TBC1D22A: variants seen among roughly 807,000 people sequenced by gnomAD.
The protein encoded by TBC1D22A is putative GTPase activator.
In TBC1D22A, 38 loss-of-function variants were observed where a neutral mutation model predicts 60.2. The ratio of observed to expected loss-of-function variants is 0.63; its 90% confidence interval spans 0.49 to 0.83. The LOEUF (loss-of-function observed/expected upper bound fraction) is 0.83, where lower values mean the gene tolerates loss of function less well. TBC1D22A is among the 40% of genes least tolerant of loss of function. TBC1D22A has a pLI of 0.00. For missense variants in TBC1D22A, 628 were observed against 701.0 expected (o/e 0.90, Z 1.18); for synonymous variants, 302 against 281.7 (o/e 1.07, Z -0.72).
chr22:46,938,481 G>A (rs1481154946), intron 8 of TBC1D22A, among the ~76,000 whole-genome samples: 1 of 150,570 alleles, frequency 6.6e-6, no homozygotes, highest in African/African-American at 2.5e-5. Context: ...GCAGTGCATG[G>A]CTGCATGATC....
chr22:46,909,591 ACT>A (rs2069752770), intron 7 of TBC1D22A, among the ~76,000 whole-genome samples: 1 of 150,872 alleles, frequency 6.6e-6, no homozygotes. Flanking sequence ...TTTCTTCCTA[ACT>A]CTGTGTGGCC....
At chr22:46,890,254 C>G (rs1409720372) in intron 5 of TBC1D22A, among the ~76,000 whole-genome samples, 1 of 152,062 alleles carries the variant, frequency 6.6e-6, no homozygotes, top group Non-Finnish European at 1.5e-5. Context: ...CAGGAGATCA[C>G]TTGAACCCGT....
chr22:46,862,234 C>T (rs2087931524), intron 4 of TBC1D22A, among the ~76,000 whole-genome samples: 1 of 152,208 alleles, frequency 6.6e-6, no homozygotes, highest in African/African-American at 2.4e-5. Flanking sequence ...TGTTCCCCAG[C>T]TCCATGAGGT....
intron 12 of TBC1D22A, among the ~76,000 whole-genome samples, chr22:47,129,502 C>T (rs1477222730): frequency 2.6e-5 from 4 of 152,102 alleles, no homozygotes; most frequent in South Asian, 2.1e-4. Context: ...AACAAAAAAC[C>T]GTAAGAGGCT....
chr22:46,861,268 G>A (rs1019227747), intron 4 of TBC1D22A, among the ~76,000 whole-genome samples: 3 of 152,108 alleles, frequency 2.0e-5, no homozygotes, highest in Non-Finnish European at 2.9e-5. Flanking sequence ...TTTATCTCAC[G>A]TAAAATGACT....
At chr22:46,803,426 G>T (rs2084985651) in intron 4 of TBC1D22A, among the ~76,000 whole-genome samples, 1 of 152,178 alleles carries the variant, frequency 6.6e-6, no homozygotes, top group Non-Finnish European at 1.5e-5. Flanking sequence ...TGTGGGCCTT[G>T]TTGGAGATCT....
chr22:46,766,075 G>T (rs1192978943), intron 1 of TBC1D22A, among the ~76,000 whole-genome samples: 1 of 150,930 alleles, frequency 6.6e-6, no homozygotes, highest in East Asian at 1.9e-4. Flanking sequence ...TCGGCTCACT[G>T]CAAGCTCCGC....
chr22:47,128,058 TC>T (rs1601602284), intron 12 of TBC1D22A, among the ~76,000 whole-genome samples: 2 of 37,484 alleles, frequency 5.3e-5, no homozygotes, highest in East Asian at 7.0e-4. Flanking sequence ...GCCCAACCCA[TC>T]CCCCCTCCCC....
rs76220911 is a variant in TBC1D22A at position 47,156,951 on chromosome 22, C to G, written c.1426-16547C>G. Among the ~76,000 whole-genome samples the G allele has an allele frequency of 3.5e-3, 536 of 152,320 alleles. 3 individuals are homozygous for G. Among genetic ancestry groups the G allele is most frequent in the African/African-American group, 0.012 (509 of 41,578 alleles). ...TGAACCTTGGAGGCTTCCAAGGCAC[C>G]GGGCTGCTTGTGCATCAGTGTGGGT... On this transcript the variant is annotated intron_variant, in intron 12 of 12. Coordinates refer to ENST00000337137, the MANE Select transcript of TBC1D22A (RefSeq NM_014346.5).
At chr22:46,852,261 C>T (rs1042269890) in intron 4 of TBC1D22A, among the ~76,000 whole-genome samples, 2 of 152,232 alleles carry the variant, frequency 1.3e-5, no homozygotes, top group African/African-American at 2.4e-5. Flanking sequence ...TCTTTGGAGG[C>T]TCCCTCCCAT....
intron 1 of TBC1D22A, among the ~76,000 whole-genome samples, chr22:46,792,051 G>A (rs801601): frequency 0.044 from 6,670 of 152,306 alleles, 495 homozygotes; most frequent in African/African-American, 0.15. Flanking sequence ...GTGAGCTACC[G>A]TGCCAAGCCT....
intron 8 of TBC1D22A, among the ~76,000 whole-genome samples, chr22:46,931,684 G>A (rs2071361268): frequency 3.3e-5 from 5 of 152,164 alleles, no homozygotes; most frequent in South Asian, 2.1e-4. Context: ...CCAGACAGAC[G>A]CCTGGCCCCA....
chr22:46,812,626 T>C (rs2147044360), intron 4 of TBC1D22A, among the ~76,000 whole-genome samples: 1 of 152,288 alleles, frequency 6.6e-6, no homozygotes, highest in South Asian at 2.1e-4. Context: ...GGTTTTGAAA[T>C]GGGTTTTCCG....
rs543372114 is a variant in TBC1D22A, at chr22:46,767,442, T to C, written c.62+4594T>C. On this transcript the variant is annotated intron_variant, in intron 1 of 12. Coordinates refer to ENST00000337137, the MANE Select transcript of TBC1D22A (RefSeq NM_014346.5). ...CAGTTTTGAGAATTTGATGATTTGCTGATCCAGCAAATATGTATTCAACCC... is the reference window on the plus strand; with the variant it reads ...CAGTTTTGAGAATTTGATGATTTGCCGATCCAGCAAATATGTATTCAACCC... Among the ~76,000 whole-genome samples the C allele has an allele frequency of 1.2e-4, 19 of 152,310 alleles. 1 individual carries two copies. The South Asian group carries it at 3.9e-3, about 32-fold the overall frequency.
At chr22:47,143,409 T>C (rs1356876571) in intron 12 of TBC1D22A, among the ~76,000 whole-genome samples, 6 of 152,222 alleles carry the variant, frequency 3.9e-5, no homozygotes, top group African/African-American at 7.2e-5. Flanking sequence ...AGGATTTTAC[T>C]GGAATTAGGA....
intron 4 of TBC1D22A, among the ~76,000 whole-genome samples, chr22:46,857,033 T>C (rs12167038): frequency 0.01 from 1,553 of 152,362 alleles, 25 homozygotes; most frequent in African/African-American, 0.036. Flanking sequence ...GAGTGTTCCC[T>C]GGAATGCCTG....
chr22:46,806,319 G>C lies in TBC1D22A; in HGVS notation c.637+8699G>C, dbSNP rs569035985. Among the ~76,000 whole-genome samples, 4 of 148,590 alleles carry C rather than the reference G, an allele frequency of 2.7e-5. No homozygotes were observed. The South Asian group carries it at 8.5e-4, about 31-fold the overall frequency. On this transcript the variant is annotated intron_variant, in intron 4 of 12. Transcript: ENST00000337137. Reference sequence around the variant, plus strand: ...CTCATAGTCAGTGACATGGCATTTAGAATGAACCCTCCTCTGTTCTGATTT... The same window carrying C: ...CTCATAGTCAGTGACATGGCATTTACAATGAACCCTCCTCTGTTCTGATTT...
intron 5 of TBC1D22A, among the ~76,000 whole-genome samples, chr22:46,882,066 A>G (rs935119076): frequency 7.2e-5 from 11 of 152,348 alleles, no homozygotes; most frequent in Non-Finnish European, 1.0e-4. Context: ...GGTCTCCCCA[A>G]TCAAGGATGC....
At chr22:46,909,810 C>T (rs1490571796) in intron 7 of TBC1D22A, among the ~76,000 whole-genome samples, 1 of 152,188 alleles carries the variant, frequency 6.6e-6, no homozygotes, top group Non-Finnish European at 1.5e-5. Context: ...CCCAGCCTGC[C>T]TGTCTTCTAG....
Sources: allele counts gnomAD v4.1 joint callset (sites outside exome capture counted in the v4.1 genomes callset), GRCh38; gene constraint gnomAD v4.1.1; transcripts MANE v1.5; gene names NCBI Gene and HGNC (gene_info 2026-07-23, HGNC 2026-07-21).